ART3: variants seen among roughly 807,000 people sequenced by gnomAD.
The protein encoded by ART3 is ADP-ribosyltransferase 3 (inactive).
In ART3, 49 loss-of-function variants were observed where a neutral mutation model predicts 48.5. The observed-to-expected ratio is 1.01, with a 90% CI of 0.80 to 1.28. The LOEUF (loss-of-function observed/expected upper bound fraction) is 1.28. Among genes scored for constraint, ART3 ranks in the 50% most tolerant of loss-of-function variants. The probability of loss-of-function intolerance (pLI) is 0.00; values close to 1 mark genes in which losing one functional copy is unlikely to be tolerated. For synonymous variants in ART3, 145 were observed against 157.2 expected, an observed-to-expected ratio of 0.92 and a Z score of 0.58; for missense variants, 438 against 454.3, an observed-to-expected ratio of 0.96 and a Z score of 0.33.
chr4:76,097,647 TA>T lies in ART3; in HGVS notation c.790del (p.Thr264ProfsTer8). The T allele has an allele frequency of 6.2e-7, 1 of 1,607,466 alleles. No individual in the cohort carries two copies. Among genetic ancestry groups the T allele is most frequent in the Non-Finnish European group, 8.5e-7 (1 of 1,174,168 alleles). On this transcript the variant is annotated frameshift_variant, in exon 4 of 12. Transcript: ENST00000355810. LOFTEE classifies it high-confidence loss of function. ...SHYECAFLGG[L>X]KTENCIENLE... is the part of the protein sequence containing the mutation. ...AAGCTTTATCTTTGTGTTTCAGGAC[TA>T]AAAACCGAAAACTGTATTGAGAACC... is the stretch of plus-strand genomic sequence containing the variant.
intron 3 of ART3, among the ~76,000 whole-genome samples, chr4:76,089,971 T>C (rs189757717): frequency 2.2e-3 from 332 of 152,230 alleles, no homozygotes; most frequent in African/African-American, 7.6e-3. Context: ...TCCCAGCTAC[T>C]CGGGAGGCTG....
intron 1 of ART3, among the ~76,000 whole-genome samples, chr4:76,014,632 T>C (rs1346620132): frequency 3.3e-5 from 5 of 152,096 alleles, no homozygotes; most frequent in Non-Finnish European, 5.9e-5. Flanking sequence ...AGAAGACTAT[T>C]CACAGAAGTA....
chr4:76,061,746 T>C (rs989104120), intron 1 of ART3, among the ~76,000 whole-genome samples: 1 of 152,242 alleles, frequency 6.6e-6, no homozygotes, highest in Non-Finnish European at 1.5e-5. Flanking sequence ...CATCAGTGCC[T>C]TGTACATACT....
chr4:76,104,701 G>A, intron 10 of ART3, 72 bp downstream of exon 10: 1 of 1,504,880 alleles, frequency 6.6e-7, no homozygotes, highest in African/African-American at 1.4e-5. Flanking sequence ...AGATATGCAT[G>A]GGACTTTCTA....
rs536536122 is a variant in ART3, at chr4:76,100,359, G to A, written c.877+39G>A. The A allele has an allele frequency of 4.2e-5, 67 of 1,591,574 alleles. No individual in the cohort carries two copies. The African/African-American group carries it at 5.3e-4, about 13-fold the overall frequency. On this transcript the variant is annotated intron_variant, in intron 6 of 11. Transcript: ENST00000355810. ...ATAAATTCTGGGGGCTTGGCCAGGC[G>A]TGGTGGCTTATGCCTGTAATCCCAG...
intron 8 of ART3, 109 bp from the exon 9 acceptor site, chr4:76,103,828 C>G: frequency 1.1e-6 from 1 of 943,086 alleles, no homozygotes; most frequent in Non-Finnish European, 1.6e-6. Context: ...TTTCCCCCTG[C>G]CTTTTTTTTT....
intron 1 of ART3, among the ~76,000 whole-genome samples, chr4:76,040,885 C>G (rs1341442148): frequency 2.6e-4 from 40 of 152,292 alleles, no homozygotes; most frequent in Non-Finnish European, 1.5e-5. Context: ...CCTAATTAGG[C>G]TTTAGCAGGT....
chr4:76,050,193 C>A (rs1735919811), intron 1 of ART3, among the ~76,000 whole-genome samples: 1 of 152,086 alleles, frequency 6.6e-6, no homozygotes, highest in South Asian at 2.1e-4. Context: ...GGAAGGGGAC[C>A]TGAGCGGGTT....
At chr4:76,076,925 A>G (rs1721219348) in intron 2 of ART3, among the ~76,000 whole-genome samples, 3 of 151,012 alleles carry the variant, frequency 2.0e-5, no homozygotes, top group Admixed American at 6.6e-5. Flanking sequence ...AATATCTTAA[A>G]TTCTTAAACT....
chr4:76,034,584 G>T (rs368176267), intron 1 of ART3: 16 of 584,756 alleles, frequency 2.7e-5, no homozygotes, highest in Non-Finnish European at 4.2e-5. Context: ...AATTCTGATT[G>T]TCATTCATTC....
chr4:76,034,934 T>C, intron 1 of ART3: 1 of 1,355,468 alleles, frequency 7.4e-7, no homozygotes, highest in Non-Finnish European at 1.0e-6. Flanking sequence ...TAACAGAATA[T>C]TTCACACAGG....
chr4:76,054,262 CTA>C (rs1426295583), intron 1 of ART3, among the ~76,000 whole-genome samples: 3 of 152,064 alleles, frequency 2.0e-5, no homozygotes, highest in Non-Finnish European at 4.4e-5. Context: ...GTTAGAAGAG[CTA>C]TGTCTGCAAG....
intron 1 of ART3, chr4:76,011,328 T>C (rs1257601790): frequency 6.6e-6 from 1 of 152,426 alleles, no homozygotes; most frequent in Non-Finnish European, 1.5e-5. Context: ...AAGGTAGGGG[T>C]TGTGCCTTCA....
chr4:76,107,653 A>C (rs1728731787), intron 10 of ART3, 108 bp from the exon 11 acceptor site: 1 of 698,480 alleles, frequency 1.4e-6, no homozygotes, highest in African/African-American at 1.9e-5. Flanking sequence ...CCTGCCCCTC[A>C]GACCCACTCA....
intron 1 of ART3, among the ~76,000 whole-genome samples, chr4:76,066,201 C>T (rs894691029): frequency 3.3e-5 from 5 of 152,180 alleles, no homozygotes; most frequent in African/African-American, 7.2e-5. Flanking sequence ...GTTATAGGAT[C>T]TTTGGGGTGT....
intron 1 of ART3, among the ~76,000 whole-genome samples, chr4:76,032,412 GC>G (rs1278628302): frequency 6.6e-6 from 1 of 151,834 alleles, no homozygotes; most frequent in Non-Finnish European, 1.5e-5. Flanking sequence ...TCGCTATGTT[GC>G]CCAAGCTAGT....
At chr4:76,075,860 A>G in intron 1 of ART3, 21 bp from the exon 2 acceptor site, 1 of 1,590,814 alleles carries the variant, frequency 6.3e-7, no homozygotes, top group Non-Finnish European at 8.6e-7. Context: ...ACTGAATTGA[A>G]ATTTCTTTAT....
chr4:76,103,442 G>C (rs1024412124), intron 8 of ART3, among the ~76,000 whole-genome samples: 2 of 152,234 alleles, frequency 1.3e-5, no homozygotes, highest in Non-Finnish European at 2.9e-5. Context: ...TTCATTTATT[G>C]AGTACCTTTT....
chr4:76,067,947 G>A (rs1719904273), intron 1 of ART3, among the ~76,000 whole-genome samples: 1 of 152,138 alleles, frequency 6.6e-6, no homozygotes, highest in South Asian at 2.1e-4. Context: ...TTGGCATCCA[G>A]TCTCTAAAAT....
Sources: allele counts gnomAD v4.1 joint callset (sites outside exome capture counted in the v4.1 genomes callset), GRCh38; gene constraint gnomAD v4.1.1; transcripts MANE v1.5; gene names NCBI Gene and HGNC (gene_info 2026-07-23, HGNC 2026-07-21).